Variants in LZTS1 observed in about 807,000 individuals in gnomAD.
LZTS1 encodes leucine zipper putative tumor suppressor 1.
Under a neutral mutation model 45.8 loss-of-function variants are expected in LZTS1, and 31 were observed. That is an observed-to-expected ratio of 0.68 (90% CI 0.51 to 0.91). The LOEUF (loss-of-function observed/expected upper bound fraction) is 0.91, where lower values mean the gene tolerates loss of function less well. Ranked by LOEUF, LZTS1 falls within the 40% of genes least tolerant of loss-of-function variation. The pLI, the probability that LZTS1 is intolerant of heterozygous loss-of-function variation, is 0.00. For synonymous variants in LZTS1, 359 were observed against 357.3 expected (o/e 1.00, Z -0.05); for missense variants, 821 against 788.9 (o/e 1.04, Z -0.49).
chr8:20,246,352 G>C lies in LZTS1; in HGVS notation c.*3370C>G, dbSNP rs749381524. 6.6e-6 allele frequency: 1 copy of C among 152,320 alleles called. No individual in the cohort carries two copies. The highest frequency in any genetic ancestry group is 1.5e-5 in the Non-Finnish European group (1 of 68,066). 9.4% of individuals were successfully genotyped at this position (152,320 alleles called of 1,614,324 possible). A position where few individuals can be genotyped will look rare whatever the true frequency, so the allele number is the denominator to read the frequency against. On this transcript the variant is annotated 3_prime_UTR_variant, in exon 4 of 4. Transcript: ENST00000381569. ...TCCAGATGCTGGTCCGTCCCAGCCT[G>C]CCTCTGCTGGGGGCTCCAGCTCTGC...
At chr8:20,303,458 C>A (rs1388236063) in intron 1 of LZTS1, among the ~76,000 whole-genome samples, 1 of 152,188 alleles carries the variant, frequency 6.6e-6, no homozygotes, top group African/African-American at 2.4e-5. Context: ...TGGGAATAGA[C>A]GAACCCCGTC....
intron 1 of LZTS1, among the ~76,000 whole-genome samples, chr8:20,284,168 C>T (rs1800746197): frequency 6.6e-6 from 1 of 152,164 alleles, no homozygotes; most frequent in African/African-American, 2.4e-5. Context: ...CATAACCGCT[C>T]TTTCCAACTG....
At chr8:20,297,588 G>C (rs927248098) in intron 1 of LZTS1, among the ~76,000 whole-genome samples, 1 of 151,930 alleles carries the variant, frequency 6.6e-6, no homozygotes, top group African/African-American at 2.4e-5. Context: ...CTAATTTTTT[G>C]TATTTTTAAT....
At chr8:20,250,837 G>C (rs992549204) in intron 3 of LZTS1, among the ~76,000 whole-genome samples, 4 of 151,850 alleles carry the variant, frequency 2.6e-5, no homozygotes, top group Non-Finnish European at 4.4e-5. Context: ...GACCTCAAGT[G>C]CTCTGCCTGC....
chr8:20,278,039 G>A (rs1206269286), intron 1 of LZTS1, among the ~76,000 whole-genome samples: 1 of 152,152 alleles, frequency 6.6e-6, no homozygotes, highest in East Asian at 1.9e-4. Flanking sequence ...GAGCAGGGCA[G>A]GAGAGTCCCC....
chr8:20,270,217 G>C (rs1320000203), intron 1 of LZTS1, among the ~76,000 whole-genome samples: 1 of 152,274 alleles, frequency 6.6e-6, no homozygotes, highest in Non-Finnish European at 1.5e-5. Flanking sequence ...GGGCAGAGCT[G>C]GGCTGGAAGC....
chr8:20,257,255 GAA>G (rs1426536983), intron 1 of LZTS1, among the ~76,000 whole-genome samples: 5 of 152,160 alleles, frequency 3.3e-5, no homozygotes, highest in Non-Finnish European at 5.9e-5. Context: ...AGCTACTGAG[GAA>G]GCTGAGGCAT....
At chr8:20,296,992 G>T (rs1800988874) in intron 1 of LZTS1, among the ~76,000 whole-genome samples, 1 of 152,116 alleles carries the variant, frequency 6.6e-6, no homozygotes, top group Admixed American at 6.5e-5. Context: ...CTCTCTGCTT[G>T]TCTTCTGTCT....
chr8:20,282,696 T>A (rs11988036), intron 1 of LZTS1, among the ~76,000 whole-genome samples: 43,643 of 152,078 alleles, frequency 0.29, 6,597 homozygotes, highest in Admixed American at 0.33. Context: ...GCCCCTACAT[T>A]CTATGTGCCA....
At chr8:20,285,361 A>C (rs73216450) in intron 1 of LZTS1, among the ~76,000 whole-genome samples, 1 of 151,544 alleles carries the variant, frequency 6.6e-6, no homozygotes, top group Non-Finnish European at 1.5e-5. Flanking sequence ...GAGCCCCACT[A>C]TGTCTCTGGG....
chr8:20,250,252 C>G lies in LZTS1; in HGVS notation c.1261G>C (p.Asp421His), dbSNP rs1799859459. ...EILGLKAQLK[D>H]TRGKLEGLEL... ...AGGCCCTCCAGCTTGCCCCGCGTGTCCTTCAGCTGTGCCTTGAGACCCAGG... is the reference window on the plus strand; with the variant it reads ...AGGCCCTCCAGCTTGCCCCGCGTGTGCTTCAGCTGTGCCTTGAGACCCAGG... Residue 421 changes from aspartate to histidine, a missense_variant, in exon 4 of 4, where the codon GAC becomes CAC. Coordinates refer to ENST00000381569, the MANE Select transcript of LZTS1 (RefSeq NM_021020.5). 6.2e-7 allele frequency: 1 copy of G among 1,613,800 alleles called. No homozygotes were observed. Among genetic ancestry groups the G allele is most frequent in the Non-Finnish European group, 8.5e-7 (1 of 1,180,016 alleles).
intron 1 of LZTS1, among the ~76,000 whole-genome samples, chr8:20,264,546 G>A (rs1269168688): frequency 2.0e-5 from 3 of 152,174 alleles, no homozygotes; most frequent in Admixed American, 2.0e-4. Context: ...GAGGGGAGGA[G>A]AAGTTGCTGT....
chr8:20,299,866 G>A (rs1801045366), intron 1 of LZTS1, among the ~76,000 whole-genome samples: 1 of 152,186 alleles, frequency 6.6e-6, no homozygotes, highest in Non-Finnish European at 1.5e-5. Context: ...AACTCAAAGA[G>A]CTAATATGTA....
intron 1 of LZTS1, among the ~76,000 whole-genome samples, chr8:20,281,599 C>T (rs1800695248): frequency 6.6e-6 from 1 of 152,050 alleles, no homozygotes; most frequent in Admixed American, 6.6e-5. Flanking sequence ...TGAGTGCCCT[C>T]CTCACAGTCA....
intron 1 of LZTS1, among the ~76,000 whole-genome samples, chr8:20,272,416 T>G (rs1800492174): frequency 6.6e-6 from 1 of 152,122 alleles, no homozygotes; most frequent in Non-Finnish European, 1.5e-5. Flanking sequence ...CCTTCCCAGA[T>G]CAGGTCCTCA....
chr8:20,278,174 C>G (rs1395105558), intron 1 of LZTS1, among the ~76,000 whole-genome samples: 1 of 152,168 alleles, frequency 6.6e-6, no homozygotes, highest in Non-Finnish European at 1.5e-5. Flanking sequence ...ACACCTGAAG[C>G]TGGTGATCAG....
intron 1 of LZTS1, among the ~76,000 whole-genome samples, chr8:20,261,586 G>C (rs1296457273): frequency 6.6e-6 from 1 of 152,200 alleles, no homozygotes; most frequent in Admixed American, 6.5e-5. Flanking sequence ...GGAAACCAAG[G>C]CTCAAGGCAA....
Position 20,255,105 on chromosome 8 carries a change from C to A in LZTS1, c.77G>T (p.Arg26Leu). ...GAGCTTCTTGAGGTGGGAGGACTTG[C>A]GCAGCTTGTACTGCGAAGCCCGGCA... The part of the protein sequence containing the change: ...KHCRASQYKL[R>L]KSSHLKKLNR... Residue 26 changes from arginine (R) to leucine (L), a missense_variant, in exon 2 of 4, where the codon CGC becomes CTC. Coordinates refer to ENST00000381569, the MANE Select transcript of LZTS1 (RefSeq NM_021020.5). 6.2e-7 allele frequency: 1 copy of A among 1,614,172 alleles called. No homozygotes were observed. Among genetic ancestry groups the A allele is most frequent in the East Asian group, 2.2e-5 (1 of 44,876 alleles).
Position 20,255,231 on chromosome 8 carries a change from G to T in LZTS1, c.-50C>A, listed in dbSNP as rs1800068989. The T allele has an allele frequency of 6.4e-7, 1 of 1,560,430 alleles. No individual in the cohort carries two copies. The highest frequency in any genetic ancestry group is 1.3e-5 in the African/African-American group (1 of 74,076). On this transcript the variant is annotated 5_prime_UTR_variant, in exon 2 of 4. Coordinates refer to ENST00000381569, the MANE Select transcript of LZTS1 (RefSeq NM_021020.5). ...CAGGGCCGGGCAGGGTCTTGGAAAG[G>T]CTGTGGCAGCAAGGGGCAGTCGTGG...
Sources: allele counts gnomAD v4.1 joint callset (sites outside exome capture counted in the v4.1 genomes callset), GRCh38; gene constraint gnomAD v4.1.1; transcripts MANE v1.5; gene names NCBI Gene and HGNC (gene_info 2026-07-23, HGNC 2026-07-21).